The following CACHD1 variants were observed in gnomAD, a reference collection of about 807,000 sequenced individuals.
The protein encoded by CACHD1 is cache domain containing 1.
Under a neutral mutation model 138.7 loss-of-function variants are expected in CACHD1, and 71 were observed. The ratio of observed to expected loss-of-function variants is 0.51; its 90% CI spans 0.42 to 0.62. CACHD1 has a LOEUF of 0.62. Among genes scored for constraint, CACHD1 ranks in the 20% least tolerant of loss-of-function variants. CACHD1 has a pLI of 0.00. For synonymous variants in CACHD1, 578 were observed against 591.5 expected (o/e 0.98, Z 0.33); for missense variants, 1,389 against 1,625.3 (o/e 0.85, Z 2.50).
At chr1:64,598,302 G>T (rs766583441) in intron 3 of CACHD1, among the ~76,000 whole-genome samples, 7 of 152,198 alleles carry the variant, frequency 4.6e-5, no homozygotes, top group Non-Finnish European at 1.0e-4. Context: ...AGCAGAGTGA[G>T]GTTGATTTCT....
chr1:64,516,554 A>G (rs1318871438), intron 1 of CACHD1, among the ~76,000 whole-genome samples: 2 of 152,190 alleles, frequency 1.3e-5, no homozygotes, highest in East Asian at 3.8e-4. Context: ...GGAATGACCA[A>G]ATGATGAGCC....
chr1:64,520,217 T>C (rs1393153728), intron 1 of CACHD1, among the ~76,000 whole-genome samples: 1 of 152,246 alleles, frequency 6.6e-6, no homozygotes, highest in Non-Finnish European at 1.5e-5. Context: ...TACACTCTTA[T>C]TCATACAAGG....
intron 1 of CACHD1, among the ~76,000 whole-genome samples, chr1:64,545,090 T>A (rs1646708456): frequency 6.6e-6 from 1 of 152,210 alleles, no homozygotes; most frequent in Non-Finnish European, 1.5e-5. Context: ...AATAGCCCAG[T>A]TACTAGAGTC....
At chr1:64,475,653 T>TC (rs1436719463) in intron 1 of CACHD1, among the ~76,000 whole-genome samples, 6 of 152,042 alleles carry the variant, frequency 3.9e-5, no homozygotes, top group South Asian at 2.1e-4. Flanking sequence ...TTCACGCCAT[T>TC]CTCCTGCCTC....
intron 3 of CACHD1, among the ~76,000 whole-genome samples, chr1:64,595,094 T>C (rs755797604): frequency 6.6e-6 from 1 of 152,182 alleles, no homozygotes; most frequent in Non-Finnish European, 1.5e-5. Flanking sequence ...CCTCGGTGCA[T>C]GTGTGCTGGT....
chr1:64,644,744 C>G (rs1648847718), intron 8 of CACHD1, among the ~76,000 whole-genome samples: 1 of 152,168 alleles, frequency 6.6e-6, no homozygotes, highest in Admixed American at 6.6e-5. Flanking sequence ...ACCTTACTTA[C>G]AAATAGGGAA....
intron 1 of CACHD1, among the ~76,000 whole-genome samples, chr1:64,529,074 T>TCA (rs2100396000): frequency 6.6e-6 from 1 of 152,270 alleles, no homozygotes; most frequent in South Asian, 2.1e-4. Context: ...CATGAATCTA[T>TCA]AGTCTGGTGT....
chr1:64,551,660 T>C (rs1330567765), intron 2 of CACHD1, among the ~76,000 whole-genome samples: 1 of 152,224 alleles, frequency 6.6e-6, no homozygotes. Flanking sequence ...AGTGTCCTTA[T>C]AGTAAAGTTG....
Position 64,692,498 on chromosome 1 carries a change from C to T in CACHD1, c.*937C>T, listed in dbSNP as rs1403409217. On this transcript the variant is annotated 3_prime_UTR_variant, in exon 27 of 27. Transcript: ENST00000651257. ...CGAAACCTAATGTTAGAACCGCATC[C>T]TTTCAGCTAAGGGAGGGTTGGATTT... The T allele has an allele frequency of 6.6e-6, 1 of 152,162 alleles. No homozygotes were observed. The highest frequency in any genetic ancestry group is 1.9e-4 in the East Asian group (1 of 5,202). The allele number at this position is 152,162 out of a possible 1,614,324, so 9.4% of individuals were successfully genotyped here. A position where few individuals can be genotyped will look rare whatever the true frequency, so the allele number is the denominator to read the frequency against.
At chr1:64,628,996 C>T (rs968578672) in intron 4 of CACHD1, among the ~76,000 whole-genome samples, 1 of 152,208 alleles carries the variant, frequency 6.6e-6, no homozygotes, top group Non-Finnish European at 1.5e-5. Context: ...TCACTGTTTT[C>T]TACAGTTACA....
intron 2 of CACHD1, among the ~76,000 whole-genome samples, chr1:64,570,353 G>A (rs1337628660): frequency 6.6e-6 from 1 of 152,166 alleles, no homozygotes; most frequent in East Asian, 1.9e-4. Context: ...AAGACTCTGG[G>A]GAGGTAGGGA....
chr1:64,493,591 A>AT (rs1483144564), intron 1 of CACHD1, among the ~76,000 whole-genome samples: 1 of 152,222 alleles, frequency 6.6e-6, no homozygotes, highest in Non-Finnish European at 1.5e-5. Flanking sequence ...GCTGGACAAT[A>AT]TAACAATGCA....
chr1:64,651,097 T>C (rs907247802), intron 9 of CACHD1, among the ~76,000 whole-genome samples: 2 of 152,150 alleles, frequency 1.3e-5, no homozygotes, highest in Non-Finnish European at 2.9e-5. Flanking sequence ...CTATTGTTGT[T>C]GTTGTTTTTA....
At chr1:64,650,215 G>A (rs79334827) in intron 9 of CACHD1, among the ~76,000 whole-genome samples, 1 of 152,258 alleles carries the variant, frequency 6.6e-6, no homozygotes, top group East Asian at 1.9e-4. Context: ...TTAAGACTTT[G>A]TTCTCAACCT....
chr1:64,518,753 G>T (rs1042336367), intron 1 of CACHD1, among the ~76,000 whole-genome samples: 4 of 152,176 alleles, frequency 2.6e-5, no homozygotes, highest in African/African-American at 9.7e-5. Flanking sequence ...CACTTTTCTG[G>T]TGAAGTTATT....
chr1:64,545,781 G>A (rs867960897), intron 1 of CACHD1, among the ~76,000 whole-genome samples: 5 of 152,110 alleles, frequency 3.3e-5, no homozygotes, highest in Non-Finnish European at 5.9e-5. Flanking sequence ...AGAAGATACC[G>A]CCAGTTTTCC....
chr1:64,620,196 T>C (rs961635619), intron 4 of CACHD1, among the ~76,000 whole-genome samples: 1 of 152,196 alleles, frequency 6.6e-6, no homozygotes, highest in Non-Finnish European at 1.5e-5. Context: ...TTTGGATTTT[T>C]CTGAGCTGCT....
rs1182647126 is a variant in CACHD1, at chr1:64,491,951, T to C, written c.198+21009T>C. On this transcript the variant is annotated intron_variant, in intron 1 of 26. Transcript: ENST00000651257. ...TTTTGTTTGTTTGTTTTTTGTTTTT[T>C]TTTTATTAATAAAAATTAACAGTGA... Among the ~76,000 whole-genome samples, 3 of 152,114 alleles carry C rather than the reference T, an allele frequency of 2.0e-5. No individual in the cohort carries two copies. In the East Asian group the frequency reaches 5.8e-4, roughly 29 times the overall value.
intron 1 of CACHD1, among the ~76,000 whole-genome samples, chr1:64,528,222 A>G (rs1646555446): frequency 6.6e-6 from 1 of 152,220 alleles, no homozygotes; most frequent in Non-Finnish European, 1.5e-5. Flanking sequence ...TGTTTCTGAA[A>G]GGAGGTCCAG....
Sources: allele counts gnomAD v4.1 joint callset (sites outside exome capture counted in the v4.1 genomes callset), GRCh38; gene constraint gnomAD v4.1.1; transcripts MANE v1.5; gene names NCBI Gene and HGNC (gene_info 2026-07-23, HGNC 2026-07-21).